SERPINB8: variants seen among roughly 807,000 people sequenced by gnomAD.
SERPINB8 encodes the protein serpin B8.
In SERPINB8, 25 loss-of-function variants were observed where a neutral mutation model predicts 35.3. The observed-to-expected ratio is 0.71, with a 90% confidence interval of 0.52 to 0.99. The LOEUF is 0.99. Ranked by LOEUF, SERPINB8 falls within the 50% of genes least tolerant of loss-of-function variation. The probability of loss-of-function intolerance (pLI) is 0.00; values close to 1 mark genes in which losing one functional copy is unlikely to be tolerated. For synonymous variants in SERPINB8, 186 were observed against 160.8 expected, an observed-to-expected ratio of 1.16 and a Z score of -1.19; for missense variants, 484 against 446.5, an observed-to-expected ratio of 1.08 and a Z score of -0.76.
intron 1 of SERPINB8, among the ~76,000 whole-genome samples, chr18:64,000,934 G>T (rs367888340): frequency 1.3e-5 from 2 of 152,176 alleles, no homozygotes; most frequent in East Asian, 3.9e-4. Flanking sequence ...CATGTATTTC[G>T]AATCTCTCTT....
chr18:63,976,304 C>T (rs1372389985), intron 1 of SERPINB8, among the ~76,000 whole-genome samples: 4 of 152,112 alleles, frequency 2.6e-5, no homozygotes, highest in South Asian at 2.1e-4. Context: ...AAATAGCCCA[C>T]GTTTTTATAG....
At chr18:63,999,479 C>A (rs961805170) in intron 1 of SERPINB8, among the ~76,000 whole-genome samples, 7 of 152,140 alleles carry the variant, frequency 4.6e-5, no homozygotes, top group African/African-American at 7.2e-5. Flanking sequence ...GGGTCTGTTA[C>A]TGGGCTATTT....
chr18:63,998,954 G>A (rs989040610), intron 1 of SERPINB8, among the ~76,000 whole-genome samples: 4 of 152,162 alleles, frequency 2.6e-5, no homozygotes, highest in African/African-American at 9.7e-5. Context: ...AACCCCAGGA[G>A]AAGCCAAGCC....
chr18:63,983,889 C>T (rs948124330), intron 5 of SERPINB8, among the ~76,000 whole-genome samples, 168 bp downstream of exon 5: 2 of 152,038 alleles, frequency 1.3e-5, no homozygotes, highest in African/African-American at 4.8e-5. Context: ...TTTTGTCACC[C>T]AGGCTGGAGT....
chr18:64,009,396 G>A (rs572679470), downstream of SERPINB8, among the ~76,000 whole-genome samples: 13 of 152,264 alleles, frequency 8.5e-5, no homozygotes, highest in Admixed American at 8.5e-4. Context: ...CACTTCTAAA[G>A]AAAAAGATCA....
intron 1 of SERPINB8, among the ~76,000 whole-genome samples, chr18:63,999,686 G>A (rs1034609045): frequency 3.9e-5 from 6 of 152,080 alleles, no homozygotes; most frequent in Non-Finnish European, 8.8e-5. Context: ...TAAACACCAG[G>A]CCTTTACCTT....
intron 6 of SERPINB8, chr18:63,986,390 C>T (rs2050754849): frequency 5.8e-6 from 9 of 1,549,688 alleles, no homozygotes; most frequent in Non-Finnish European, 7.8e-6. Context: ...CCTTCATCTT[C>T]AGATGAAACA....
intron 7 of SERPINB8, among the ~76,000 whole-genome samples, chr18:64,017,505 T>C: frequency 6.6e-6 from 1 of 152,164 alleles, no homozygotes; most frequent in Non-Finnish European, 1.5e-5. Context: ...AGCACAATTT[T>C]TCAGTATGTT....
intron 6 of SERPINB8, 76 bp downstream of exon 6, chr18:63,985,321 G>T: frequency 6.5e-7 from 1 of 1,531,048 alleles, no homozygotes; most frequent in South Asian, 1.2e-5. Flanking sequence ...CTACCAATTG[G>T]CATTTGAGGA....
At chr18:63,971,002 C>T (rs985333169) in intron 1 of SERPINB8, among the ~76,000 whole-genome samples, 1 of 152,106 alleles carries the variant, frequency 6.6e-6, no homozygotes, top group African/African-American at 2.4e-5. Flanking sequence ...CCTCTCCATT[C>T]CAAAGGGCCT....
At chr18:63,981,586 C>T in intron 3 of SERPINB8, 135 bp from the exon 4 acceptor site, 1 of 649,622 alleles carries the variant, frequency 1.5e-6, no homozygotes, top group South Asian at 1.8e-5. Context: ...TTGTTAATTG[C>T]ACGCATGCAC....
intron 1 of SERPINB8, among the ~76,000 whole-genome samples, chr18:63,998,102 G>C (rs368186856): frequency 2.0e-5 from 3 of 152,306 alleles, no homozygotes; most frequent in African/African-American, 4.8e-5. Context: ...CCTGAGCAAG[G>C]CTAAACATTC....
chr18:63,978,132 G>T (rs2050611308), intron 1 of SERPINB8, among the ~76,000 whole-genome samples, 167 bp from the exon 2 acceptor site: 1 of 152,156 alleles, frequency 6.6e-6, no homozygotes, highest in Admixed American at 6.5e-5. Context: ...AGTCCTTATT[G>T]CCAGGGCAGA....
intron 7 of SERPINB8, among the ~76,000 whole-genome samples, chr18:64,017,501 A>G (rs1161227830): frequency 6.6e-6 from 1 of 152,094 alleles, no homozygotes; most frequent in Non-Finnish European, 1.5e-5. Flanking sequence ...AAGAAGCACA[A>G]TTTTTCAGTA....
chr18:63,979,656 G>A (rs2050638737), intron 2 of SERPINB8, 145 bp from the exon 3 acceptor site: 10 of 920,798 alleles, frequency 1.1e-5, no homozygotes, highest in Non-Finnish European at 1.7e-5. Context: ...TGCCCACGTT[G>A]AGAAACCCTG....
In SERPINB8 at chr18:64,001,461, CTGTT is replaced by C. The variant is rs58635020; in HGVS notation, c.71-3344_71-3341del. Among the ~76,000 whole-genome samples the C allele has an allele frequency of 1.2e-3, 173 of 145,344 alleles. 1 individual carries two copies. The highest frequency in any genetic ancestry group is 4.0e-3 in the African/African-American group (156 of 38,724). On this transcript the variant is annotated intron_variant, in intron 1 of 1. Transcript: ENST00000493661. ...TAAGGATTCTGCTTTCTTTTCTTTT[CTGTT>C]TGTTTGTTTGTTTATTTATTTATTT...
downstream of SERPINB8, among the ~76,000 whole-genome samples, chr18:63,990,761 C>G (rs1599160189): frequency 6.7e-6 from 1 of 148,422 alleles, no homozygotes; most frequent in South Asian, 2.2e-4. Context: ...TATAACAGTG[C>G]CTTTAAAAAG....
In SERPINB8 at chr18:63,981,711, G is replaced by C. The variant is rs1346005768; in HGVS notation, c.307-10G>C. On this transcript the variant is annotated splice_polypyrimidine_tract_variant and intron_variant, in intron 3 of 6. Coordinates refer to ENST00000397985, the MANE Select transcript of SERPINB8 (RefSeq NM_002640.4). Reference sequence around the variant, plus strand: ...CAAATGAGACTAAACTCAGTGTTTTGTGTTTGCAGGACTTTAAAGAATACT... The same window carrying C: ...CAAATGAGACTAAACTCAGTGTTTTCTGTTTGCAGGACTTTAAAGAATACT... 1 of 1,579,686 alleles carries C rather than the reference G, an allele frequency of 6.3e-7. No homozygotes were observed. Among genetic ancestry groups the C allele is most frequent in the South Asian group, 1.1e-5 (1 of 89,028 alleles).
At chr18:64,011,256 A>C (rs997909596) in intron 7 of SERPINB8, among the ~76,000 whole-genome samples, 3 of 152,106 alleles carry the variant, frequency 2.0e-5, no homozygotes, top group Admixed American at 6.5e-5. Context: ...ATAGGCAAAG[A>C]TGTATCAAGT....
Sources: gnomAD v4.1 joint callset for allele counts (sites outside exome capture counted in the v4.1 genomes callset) on GRCh38, gnomAD v4.1.1 for gene constraint, MANE v1.5 for transcripts, NCBI Gene and HGNC (gene_info 2026-07-23, HGNC 2026-07-21) for gene names.